The following RASGEF1C variants were observed in gnomAD, a reference collection of about 807,000 sequenced individuals.
The protein encoded by RASGEF1C is RasGEF domain family member 1C.
A neutral mutation model predicts 58.1 loss-of-function variants in RASGEF1C; 27 were observed. The observed-to-expected ratio is 0.46, with a 90% CI of 0.34 to 0.64. The LOEUF (loss-of-function observed/expected upper bound fraction) is 0.64. Among genes scored for constraint, RASGEF1C ranks in the 30% least tolerant of loss-of-function variants. The pLI is 0.01. For synonymous variants in RASGEF1C, 243 were observed against 246.3 expected (o/e 0.99, Z 0.13); for missense variants, 502 against 605.1 (o/e 0.83, Z 1.79).
intron 1 of RASGEF1C, among the ~76,000 whole-genome samples, chr5:180,159,914 G>A (rs555714345): frequency 7.2e-5 from 11 of 152,314 alleles, no homozygotes; most frequent in East Asian, 1.9e-4. Context: ...GTGAGCTGCC[G>A]TGGCTGCCCA....
At chr5:180,171,080 G>A (rs1437454963) in intron 1 of RASGEF1C, among the ~76,000 whole-genome samples, 2 of 152,116 alleles carry the variant, frequency 1.3e-5, no homozygotes. Flanking sequence ...TGAGACGCGT[G>A]CAGCCAGGCA....
chr5:180,181,828 G>A (rs1414393983), intron 1 of RASGEF1C, among the ~76,000 whole-genome samples: 1 of 152,182 alleles, frequency 6.6e-6, no homozygotes, highest in Non-Finnish European at 1.5e-5. Flanking sequence ...CCACTGGCAG[G>A]ATGTCTTCAT....
chr5:180,145,176 C>T (rs77573001), intron 1 of RASGEF1C, among the ~76,000 whole-genome samples: 29,092 of 151,886 alleles, frequency 0.19, 2,968 homozygotes, highest in South Asian at 0.27. Flanking sequence ...GCTGGAGTGC[C>T]GTGGTGCAAT....
intron 3 of RASGEF1C, 84 bp from the exon 4 acceptor site, chr5:180,136,599 C>A: frequency 6.9e-7 from 1 of 1,447,288 alleles, no homozygotes. Flanking sequence ...CGGGTCTGGC[C>A]GCCCGGGGCA....
At position 180,206,594 on chromosome 5, in the gene RASGEF1C, T is replaced by C. The variant is rs561922008; in HGVS notation, c.-7+2434A>G. On this transcript the variant is annotated intron_variant, in intron 1 of 13. Coordinates refer to ENST00000361132, the MANE Select transcript of RASGEF1C (RefSeq NM_175062.4). ...TACTTCTAGAAGTGTGTTCTAAATA[T>C]ACACCTTTGCAAACATTAACAATAT... is the stretch of plus-strand genomic sequence containing the variant. Among the ~76,000 whole-genome samples the C allele has an allele frequency of 2.6e-5, 4 of 152,322 alleles. No homozygotes were observed. The East Asian group carries it at 7.7e-4, about 29-fold the overall frequency.
chr5:180,179,799 G>A (rs572766768), intron 1 of RASGEF1C, among the ~76,000 whole-genome samples: 3 of 152,288 alleles, frequency 2.0e-5, no homozygotes, highest in South Asian at 4.1e-4. Context: ...AAACAAAAAC[G>A]TACATCTCCG....
intron 10 of RASGEF1C, chr5:180,115,289 T>TAAA (rs781667646): frequency 3.5e-5 from 14 of 396,150 alleles, no homozygotes; most frequent in Middle Eastern, 3.5e-4. Flanking sequence ...GGCCTCCTTT[T>TAAA]TAAAAAAAAA....
At chr5:180,175,463 C>T (rs750062338) in intron 1 of RASGEF1C, among the ~76,000 whole-genome samples, 4 of 152,204 alleles carry the variant, frequency 2.6e-5, no homozygotes, top group Admixed American at 6.5e-5. Context: ...CTGCCATGTG[C>T]AGCCCCCTGA....
chr5:180,152,050 A>G (rs1399401786), intron 1 of RASGEF1C, among the ~76,000 whole-genome samples: 4 of 149,782 alleles, frequency 2.7e-5, no homozygotes, highest in African/African-American at 7.3e-5. Context: ...AATGGCGATC[A>G]TTAAAAAGTC....
chr5:180,148,802 C>G (rs982061645), intron 1 of RASGEF1C, among the ~76,000 whole-genome samples: 1 of 152,152 alleles, frequency 6.6e-6, no homozygotes, highest in Admixed American at 6.5e-5. Flanking sequence ...TAAATCTTTA[C>G]CAGATATTTT....
intron 1 of RASGEF1C, chr5:180,138,311 C>T (rs556028135): frequency 5.4e-6 from 2 of 370,840 alleles, no homozygotes; most frequent in East Asian, 4.0e-5. Flanking sequence ...ACTCCTCTTG[C>T]CCCACTCAGG....
intron 1 of RASGEF1C, among the ~76,000 whole-genome samples, chr5:180,175,563 A>G (rs1376974908): frequency 2.6e-5 from 4 of 152,072 alleles, no homozygotes; most frequent in Non-Finnish European, 4.4e-5. Flanking sequence ...CCAGGGCCAC[A>G]CTCGGGACAT....
At chr5:180,182,898 T>C (rs1581124691) in intron 1 of RASGEF1C, among the ~76,000 whole-genome samples, 1 of 152,290 alleles carries the variant, frequency 6.6e-6, no homozygotes, top group East Asian at 1.9e-4. Context: ...GGATTCCTAC[T>C]CCCTGGTGTA....
chr5:180,126,049 G>A (rs997425723), intron 6 of RASGEF1C, among the ~76,000 whole-genome samples: 10 of 152,058 alleles, frequency 6.6e-5, no homozygotes, highest in East Asian at 1.9e-4. Context: ...GTCATGTGTC[G>A]TCTTGATGTA....
Position 180,127,633 on chromosome 5 carries a change from G to T in RASGEF1C, c.690C>A (p.Asn230Lys). 1 of 1,613,292 alleles carries T rather than the reference G, an allele frequency of 6.2e-7. No individual in the cohort carries two copies. Among genetic ancestry groups the T allele is most frequent in the Non-Finnish European group, 8.5e-7 (1 of 1,179,744 alleles). ...CCTTTGTGCTGGCCAGAGGGTCCTT[G>T]TTCACAAAGGCCTGGACAAACTCCT... ...GPEEFVQAFVNKDPLASTKPC... is the reference protein window; with the variant it reads ...GPEEFVQAFVKKDPLASTKPC... The change falls in exon 6 of 14, where the codon AAC becomes AAA. Residue 230 changes from asparagine (N) to lysine (K), a missense_variant. Coordinates refer to ENST00000361132, the MANE Select transcript of RASGEF1C (RefSeq NM_175062.4).
At chr5:180,190,560 C>T (rs1361239515) in intron 1 of RASGEF1C, among the ~76,000 whole-genome samples, 3 of 142,938 alleles carry the variant, frequency 2.1e-5, no homozygotes, top group Non-Finnish European at 4.7e-5. Context: ...ATGCCTGTGG[C>T]CCCAACTACT....
At chr5:180,109,228 G>A (rs552206737) in intron 12 of RASGEF1C, among the ~76,000 whole-genome samples, 14 of 151,996 alleles carry the variant, frequency 9.2e-5, no homozygotes, top group Non-Finnish European at 1.5e-4. Flanking sequence ...AGGCTGAGGC[G>A]GGTGGATCAT....
chr5:180,142,543 ACT>A (rs1392203118), intron 1 of RASGEF1C, among the ~76,000 whole-genome samples: 1 of 152,056 alleles, frequency 6.6e-6, no homozygotes, highest in African/African-American at 2.4e-5. Context: ...AGCAGCGAAC[ACT>A]CTCGAGCAGC....
rs1766031374 is a variant in RASGEF1C at position 180,114,484 on chromosome 5, A to G, written c.1141T>C (p.Cys381Arg). The change falls in exon 11 of 14, where the codon TGC (cysteine) becomes CGC (arginine). Residue 381 changes from cysteine (C) to arginine (R), a missense_variant. Coordinates refer to ENST00000361132, the MANE Select transcript of RASGEF1C (RefSeq NM_175062.4). ...TGTCCATTGGGAAGGCGGTTGGCGC[A>G]GCCCTCATTCAGGAAGTAGATGTCT... ...IKDIYFLNEGCANRLPNGHVN... is the reference protein window; with the variant it reads ...IKDIYFLNEGRANRLPNGHVN... 1.9e-6 allele frequency: 3 copies of G among 1,613,020 alleles called. No homozygotes were observed. The South Asian group carries it at 3.3e-5, about 18-fold the overall frequency.
Sources: allele counts gnomAD v4.1 joint callset (sites outside exome capture counted in the v4.1 genomes callset), GRCh38; gene constraint gnomAD v4.1.1; transcripts MANE v1.5; gene names NCBI Gene and HGNC (gene_info 2026-07-23, HGNC 2026-07-21).